Variants in ANKRD42 observed in about 807,000 individuals in gnomAD.
The protein encoded by ANKRD42 is ankyrin repeat domain-containing protein 42.
Under a neutral mutation model 51.5 loss-of-function variants are expected in ANKRD42, and 43 were observed. The ratio of observed to expected loss-of-function variants is 0.83; its 90% CI spans 0.65 to 1.08. The LOEUF (loss-of-function observed/expected upper bound fraction) is 1.08. ANKRD42 is among the 50% of genes least tolerant of loss of function. The pLI, the probability that ANKRD42 is intolerant of heterozygous loss-of-function variation, is 0.00. For missense variants in ANKRD42, 608 were observed against 629.3 expected, an observed-to-expected ratio of 0.97 and a Z score of 0.36; for synonymous variants, 203 against 213.0, an observed-to-expected ratio of 0.95 and a Z score of 0.41.
downstream of ANKRD42, chr11:83,261,737 C>A: frequency 2.0e-6 from 1 of 500,188 alleles, no homozygotes. Context: ...CTCACACACA[C>A]ACAATAAAGA....
chr11:83,240,996 C>G, intron 9 of ANKRD42, 62 bp downstream of exon 9: 1 of 1,530,730 alleles, frequency 6.5e-7, no homozygotes, highest in Non-Finnish European at 8.8e-7. Flanking sequence ...CTTTTTACCA[C>G]AAATTTGGAA....
At chr11:83,200,544 C>T (rs1861829094) in intron 2 of ANKRD42, among the ~76,000 whole-genome samples, 1 of 152,172 alleles carries the variant, frequency 6.6e-6, no homozygotes, top group African/African-American at 2.4e-5. Context: ...ATAATCAAAA[C>T]ACATTATCAG....
In ANKRD42 at chr11:83,227,420, G is replaced by A. The variant is rs145689266; in HGVS notation, c.788-327G>A. On this transcript the variant is annotated intron_variant, in intron 6 of 10. Coordinates refer to ENST00000533342, the MANE Select transcript of ANKRD42 (RefSeq NM_001300975.2). ...GAGCCACCATGCCCGGCTTCTAAGTGTGTCTTTATACAAAGGGTTTTAAAG... is the reference window on the plus strand; with the variant it reads ...GAGCCACCATGCCCGGCTTCTAAGTATGTCTTTATACAAAGGGTTTTAAAG... Among the ~76,000 whole-genome samples the A allele has an allele frequency of 5.9e-5, 9 of 152,222 alleles. No homozygotes were observed. The East Asian group carries it at 1.7e-3, about 29-fold the overall frequency.
intron 3 of ANKRD42, among the ~76,000 whole-genome samples, chr11:83,206,591 C>A (rs1306799618): frequency 6.6e-6 from 1 of 152,196 alleles, no homozygotes; most frequent in Admixed American, 6.5e-5. Context: ...CAAGAGACCT[C>A]AGAGAGCTAG....
chr11:83,234,272 T>C (rs1863163552), intron 7 of ANKRD42, among the ~76,000 whole-genome samples: 1 of 152,236 alleles, frequency 6.6e-6, no homozygotes, highest in Non-Finnish European at 1.5e-5. Flanking sequence ...ATTTAATTCA[T>C]GTTTCTCACA....
intron 6 of ANKRD42, among the ~76,000 whole-genome samples, chr11:83,227,067 A>G (rs1416052946): frequency 2.6e-5 from 4 of 152,052 alleles, no homozygotes; most frequent in African/African-American, 9.7e-5. Flanking sequence ...CTTCTAGTCT[A>G]TTTTGCTGTT....
intron 7 of ANKRD42, among the ~76,000 whole-genome samples, chr11:83,232,254 T>C (rs1444882022): frequency 1.3e-5 from 2 of 152,174 alleles, no homozygotes; most frequent in East Asian, 3.8e-4. Context: ...CATTTTTTGA[T>C]GTCCTCTTCA....
intron 8 of ANKRD42, among the ~76,000 whole-genome samples, chr11:83,238,477 T>A (rs1863285940): frequency 6.6e-6 from 1 of 152,076 alleles, no homozygotes; most frequent in Admixed American, 6.5e-5. Context: ...AGTGGATCAC[T>A]TGAGGTGAAG....
intron 9 of ANKRD42, among the ~76,000 whole-genome samples, chr11:83,242,567 G>GTTTTT (rs539259244): frequency 1.1e-4 from 13 of 115,546 alleles, no homozygotes; most frequent in African/African-American, 3.8e-4. Context: ...TGGTAGTTAA[G>GTTTTT]TTTTTTTTTT....
intron 1 of ANKRD42, among the ~76,000 whole-genome samples, chr11:83,197,352 C>T (rs959846452): frequency 1.3e-5 from 2 of 152,144 alleles, no homozygotes; most frequent in African/African-American, 4.8e-5. Context: ...ATCATAGTGC[C>T]TGACTCATGG....
chr11:83,195,537 G>A (rs1590954572), intron 1 of ANKRD42, among the ~76,000 whole-genome samples: 1 of 152,034 alleles, frequency 6.6e-6, no homozygotes, highest in Non-Finnish European at 1.5e-5. Flanking sequence ...AATTTTCCTT[G>A]GGTACCTCAA....
intron 7 of ANKRD42, among the ~76,000 whole-genome samples, chr11:83,235,626 C>T (rs973159556): frequency 6.6e-6 from 1 of 152,222 alleles, no homozygotes; most frequent in East Asian, 1.9e-4. Flanking sequence ...CCTGTCCTCA[C>T]ATCTTATTGT....
downstream of ANKRD42, chr11:83,260,859 T>C (rs1052759489): frequency 5.3e-5 from 8 of 152,180 alleles, no homozygotes; most frequent in Non-Finnish European, 1.5e-5. Flanking sequence ...AATTTTCCTA[T>C]GAGTTTCTTG....
At chr11:83,217,754 G>A (rs1565185494) in intron 5 of ANKRD42, among the ~76,000 whole-genome samples, 2 of 152,172 alleles carry the variant, frequency 1.3e-5, no homozygotes, top group Admixed American at 6.5e-5. Flanking sequence ...GTGAGGAGGC[G>A]GTTTGTTTCT....
intron 7 of ANKRD42, among the ~76,000 whole-genome samples, chr11:83,235,499 C>G (rs1342134608): frequency 6.6e-6 from 1 of 152,182 alleles, no homozygotes; most frequent in Non-Finnish European, 1.5e-5. Context: ...CTAGTAAGAG[C>G]AGAGCTAAGA....
chr11:83,212,841 T>C, intron 5 of ANKRD42: 4 of 1,435,764 alleles, frequency 2.8e-6, no homozygotes, highest in Non-Finnish European at 3.7e-6. Context: ...TATGAACTCT[T>C]TCAATTTTTG....
At chr11:83,244,236 C>T (rs1353801174) in intron 9 of ANKRD42, among the ~76,000 whole-genome samples, 1 of 152,170 alleles carries the variant, frequency 6.6e-6, no homozygotes, top group African/African-American at 2.4e-5. Context: ...CCGCATTGGC[C>T]TCCCAAAGTG....
intron 7 of ANKRD42, among the ~76,000 whole-genome samples, chr11:83,232,829 T>C (rs562568822): frequency 6.6e-6 from 1 of 152,362 alleles, no homozygotes; most frequent in Admixed American, 6.5e-5. Context: ...TCAGCATCAA[T>C]TGAAATGATC....
At chr11:83,260,721 C>G (rs909348490), downstream of ANKRD42, 1 of 152,088 alleles carries the variant, frequency 6.6e-6, no homozygotes, top group Non-Finnish European at 1.5e-5. Context: ...TCTTCTTGAT[C>G]TGGGTAAGAC....
Sources: allele counts gnomAD v4.1 joint callset (sites outside exome capture counted in the v4.1 genomes callset), GRCh38; gene constraint gnomAD v4.1.1; transcripts MANE v1.5; gene names NCBI Gene and HGNC (gene_info 2026-07-23, HGNC 2026-07-21).